The following APBB2 variants were observed in gnomAD, a reference collection of about 807,000 sequenced individuals.
APBB2 encodes the protein amyloid beta precursor protein binding family B member 2, also known as Fe65-like 1.
In APBB2, 38 loss-of-function variants were observed where a neutral mutation model predicts 82.5. That is an observed-to-expected ratio of 0.46 (90% CI 0.36 to 0.60). The LOEUF is 0.60. Ranked by LOEUF, APBB2 falls within the 20% of genes least tolerant of loss-of-function variation. APBB2 has a pLI of 0.00. For missense variants in APBB2, 772 were observed against 972.3 expected (o/e 0.79, Z 2.74); for synonymous variants, 341 against 368.2 (o/e 0.93, Z 0.85).
At chr4:41,019,344 G>A (rs192595223) in intron 5 of APBB2, among the ~76,000 whole-genome samples, 18 of 152,236 alleles carry the variant, frequency 1.2e-4, no homozygotes, top group Non-Finnish European at 2.1e-4. Context: ...GGACAAGACC[G>A]GACTGGAAAC....
chr4:40,987,636 C>A (rs1411102273), intron 6 of APBB2, among the ~76,000 whole-genome samples: 2 of 152,172 alleles, frequency 1.3e-5, no homozygotes, highest in African/African-American at 4.8e-5. Context: ...ACTCTCCGAA[C>A]TAGGACGTGA....
chr4:41,179,806 C>T (rs890679697), intron 1 of APBB2, among the ~76,000 whole-genome samples: 1 of 152,118 alleles, frequency 6.6e-6, no homozygotes, highest in Non-Finnish European at 1.5e-5. Context: ...AAAACAGACA[C>T]ATACTGGCAT....
At chr4:40,981,996 C>T (rs1798595800) in intron 6 of APBB2, among the ~76,000 whole-genome samples, 1 of 150,570 alleles carries the variant, frequency 6.6e-6, no homozygotes, top group African/African-American at 2.4e-5. Flanking sequence ...ACCAGCCTGG[C>T]CAACATGGTG....
chr4:41,196,436 G>T, intron 1 of APBB2, among the ~76,000 whole-genome samples: 11 of 152,216 alleles, frequency 7.2e-5, no homozygotes, highest in African/African-American at 2.4e-4. Flanking sequence ...TTATCGCAAA[G>T]ATTTTAAACA....
chr4:40,830,329 C>T (rs1459696999), intron 13 of APBB2, 134 bp downstream of exon 13: 4 of 641,630 alleles, frequency 6.2e-6, no homozygotes, highest in Admixed American at 2.6e-5. Flanking sequence ...TTTAATGACT[C>T]TGGCTGAACA....
rs556625915 is a variant in APBB2 at position 41,046,063 on chromosome 4, C to T, written c.-50-12759G>A. ...TATATGAAGCTGGGTATATAGATACCATATATCTTTAAAAAAACAATAAAG... is the reference window on the plus strand; with the variant it reads ...TATATGAAGCTGGGTATATAGATACTATATATCTTTAAAAAAACAATAAAG... On this transcript the variant is annotated intron_variant, in intron 4 of 17. Coordinates refer to ENST00000508593, the MANE Select transcript of APBB2 (RefSeq NM_004307.2). Among the ~76,000 whole-genome samples, 234 of 151,670 alleles carry T rather than the reference C, an allele frequency of 1.5e-3. 1 individual carries two copies. Among genetic ancestry groups the T allele is most frequent in the African/African-American group, 5.6e-3 (232 of 41,354 alleles).
intron 6 of APBB2, among the ~76,000 whole-genome samples, chr4:41,009,237 C>A (rs1807636286): frequency 6.6e-6 from 1 of 151,820 alleles, no homozygotes; most frequent in Non-Finnish European, 1.5e-5. Context: ...TTGAAAAAAA[C>A]CCTAACTAGA....
At chr4:41,132,423 CT>C (rs1420837900) in intron 2 of APBB2, among the ~76,000 whole-genome samples, 1 of 152,314 alleles carries the variant, frequency 6.6e-6, no homozygotes, top group East Asian at 1.9e-4. Flanking sequence ...GTCACCCTGG[CT>C]TTATCTGTGC....
At chr4:40,964,131 T>TA (rs985090931) in intron 6 of APBB2, among the ~76,000 whole-genome samples, 375 of 150,388 alleles carry the variant, frequency 2.5e-3, no homozygotes, top group African/African-American at 7.5e-3. Flanking sequence ...CTAACTCATT[T>TA]AAAAAAAAAA....
At chr4:41,050,989 T>TTTCCCTCAACACAGGATGC (rs1553923827) in intron 4 of APBB2, among the ~76,000 whole-genome samples, 4 of 151,760 alleles carry the variant, frequency 2.6e-5, no homozygotes, top group African/African-American at 9.7e-5. Context: ...GAACAGGGTG[T>TTTCCCTCAACACAGGATGC]TTCCCTCGAC....
At chr4:40,876,567 AC>A (rs1766963269) in intron 12 of APBB2, among the ~76,000 whole-genome samples, 1 of 152,072 alleles carries the variant, frequency 6.6e-6, no homozygotes, top group East Asian at 1.9e-4. Context: ...TAGTTCCAGG[AC>A]CCCCAACGAT....
At chr4:40,984,950 C>A (rs1800024142) in intron 6 of APBB2, among the ~76,000 whole-genome samples, 1 of 151,776 alleles carries the variant, frequency 6.6e-6, no homozygotes, top group South Asian at 2.1e-4. Flanking sequence ...GAGACAGGGT[C>A]TCACTCTCTT....
At chr4:40,941,000 C>G (rs1054161209) in intron 7 of APBB2, among the ~76,000 whole-genome samples, 2 of 152,218 alleles carry the variant, frequency 1.3e-5, no homozygotes, top group Non-Finnish European at 2.9e-5. Context: ...GCATATGCAG[C>G]GGAAACATTA....
chr4:41,004,335 T>C (rs937773039), intron 6 of APBB2, among the ~76,000 whole-genome samples: 10 of 152,214 alleles, frequency 6.6e-5, no homozygotes, highest in Admixed American at 2.0e-4. Flanking sequence ...ATCCAAGGTT[T>C]GGAGTGGGCT....
intron 10 of APBB2, among the ~76,000 whole-genome samples, chr4:40,920,669 C>T (rs1008736922): frequency 1.3e-5 from 2 of 152,132 alleles, no homozygotes; most frequent in African/African-American, 2.4e-5. Context: ...GTCAGTGGTT[C>T]GAGACCAGCC....
chr4:40,994,957 C>T (rs1803227935), intron 6 of APBB2, among the ~76,000 whole-genome samples: 1 of 151,494 alleles, frequency 6.6e-6, no homozygotes, highest in African/African-American at 2.4e-5. Context: ...AATGTAAGTA[C>T]CTTAAAAAAA....
At chr4:41,077,096 T>C (rs1369597685) in intron 3 of APBB2, among the ~76,000 whole-genome samples, 2 of 151,600 alleles carry the variant, frequency 1.3e-5, no homozygotes, top group East Asian at 1.9e-4. Flanking sequence ...CTTCGAATCC[T>C]TGGGCTCAAG....
chr4:41,156,418 C>T (rs929993047), intron 1 of APBB2, among the ~76,000 whole-genome samples: 7 of 152,172 alleles, frequency 4.6e-5, no homozygotes, highest in Admixed American at 1.3e-4. Flanking sequence ...CACCGGGGGT[C>T]GAGGGAAGAA....
chr4:41,048,012 C>T lies in APBB2; in HGVS notation c.-50-14708G>A, dbSNP rs186707606. ...ACATCACTTCCTCAATCCTTCTGCA[C>T]AAAAACCAAATCCACTCTTAGTTTA... On this transcript the variant is annotated intron_variant, in intron 4 of 17. Coordinates refer to ENST00000508593, the MANE Select transcript of APBB2 (RefSeq NM_004307.2). Among the ~76,000 whole-genome samples the T allele has an allele frequency of 2.6e-5, 4 of 152,320 alleles. No individual in the cohort carries two copies. In the East Asian group the frequency reaches 7.7e-4, roughly 29 times the overall value.
Sources: allele counts gnomAD v4.1 joint callset (sites outside exome capture counted in the v4.1 genomes callset), GRCh38; gene constraint gnomAD v4.1.1; transcripts MANE v1.5; gene names NCBI Gene and HGNC (gene_info 2026-07-23, HGNC 2026-07-21).